The following CIMAP1D variants were observed in gnomAD, a reference collection of about 807,000 sequenced individuals.
The protein encoded by CIMAP1D is CIMAP1 family member D, also known as protein CIMAP1D.
At chr19:464,013 A>AGGGGTCGCGGGGCCC in the CIMAP1D span, 4 of 1,607,568 alleles carry the variant, frequency 2.5e-6, no homozygotes, top group Non-Finnish European at 3.4e-6. Flanking sequence ...GGTCTCCTCC[A>AGGGGTCGCGGGGCCC]GGGGTCGCGG....
the CIMAP1D span, among the ~76,000 whole-genome samples, chr19:490,688 G>T: frequency 6.6e-6 from 1 of 152,266 alleles, no homozygotes; most frequent in Non-Finnish European, 1.5e-5. Context: ...TTCAGGGCCA[G>T]GCGCGGTGGC....
chr19:478,047 C>T, the CIMAP1D span, among the ~76,000 whole-genome samples: 2 of 152,248 alleles, frequency 1.3e-5, no homozygotes, highest in Non-Finnish European at 2.9e-5. Context: ...CCCCAGCCCA[C>T]AGGCCCTGTC....
chr19:478,565 ACT>A, the CIMAP1D span, among the ~76,000 whole-genome samples: 1 of 152,230 alleles, frequency 6.6e-6, no homozygotes, highest in Non-Finnish European at 1.5e-5. Flanking sequence ...GATTCTATCA[ACT>A]CTGTCTTCAG....
the CIMAP1D span, among the ~76,000 whole-genome samples, chr19:486,556 T>C: frequency 6.6e-6 from 1 of 151,868 alleles, no homozygotes; most frequent in Non-Finnish European, 1.5e-5. Flanking sequence ...TTCTCCTGCC[T>C]CAGCCTCCCA....
At chr19:487,634 C>A in the CIMAP1D span, among the ~76,000 whole-genome samples, 2 of 152,098 alleles carry the variant, frequency 1.3e-5, no homozygotes, top group African/African-American at 4.8e-5. Context: ...CGCACCACTG[C>A]GCTCCAGCCT....
chr19:482,596 A>T, the CIMAP1D span, among the ~76,000 whole-genome samples: 1 of 140,862 alleles, frequency 7.1e-6, no homozygotes. Context: ...ACAGGGTGAG[A>T]TCGGCAGGGC....
chr19:488,732 G>A, the CIMAP1D span, among the ~76,000 whole-genome samples: 1 of 152,000 alleles, frequency 6.6e-6, no homozygotes, highest in Non-Finnish European at 1.5e-5. Context: ...CCCCCGCAGC[G>A]AGCCCAGCGC....
chr19:487,162 C>T, the CIMAP1D span, among the ~76,000 whole-genome samples: 1 of 152,144 alleles, frequency 6.6e-6, no homozygotes, highest in South Asian at 2.1e-4. Flanking sequence ...CCTATTGCAG[C>T]GGCGGCTGGA....
chr19:476,288 T>G, the CIMAP1D span, among the ~76,000 whole-genome samples: 1 of 151,908 alleles, frequency 6.6e-6, no homozygotes, highest in Non-Finnish European at 1.5e-5. Flanking sequence ...CTCTTGACCT[T>G]GTGATCCAAC....
chr19:472,483 T>C, the CIMAP1D span: 1 of 1,544,582 alleles, frequency 6.5e-7, no homozygotes, highest in Non-Finnish European at 8.7e-7. Context: ...CGGCAGGACA[T>C]ACAAGCCTGG....
At chr19:476,300 G>A in the CIMAP1D span, among the ~76,000 whole-genome samples, 2 of 151,836 alleles carry the variant, frequency 1.3e-5, no homozygotes, top group Non-Finnish European at 2.9e-5. Flanking sequence ...TGATCCAACC[G>A]CCTCAGCCTC....
the CIMAP1D span, among the ~76,000 whole-genome samples, chr19:469,319 G>A: frequency 9.0e-4 from 136 of 151,240 alleles, no homozygotes; most frequent in Non-Finnish European, 1.4e-3. Context: ...CTGGGCTCAA[G>A]CAATCCTCCC....
At chr19:465,068 TGGGTGGGTGGAA>T in the CIMAP1D span, among the ~76,000 whole-genome samples, 1 of 139,332 alleles carries the variant, frequency 7.2e-6, no homozygotes, top group African/African-American at 2.7e-5. Context: ...GATGGATGGA[TGGGTGGGTGGAA>T]GGATGGATAG....
At chr19:468,092 G>T in the CIMAP1D span, among the ~76,000 whole-genome samples, 1 of 152,194 alleles carries the variant, frequency 6.6e-6, no homozygotes, top group Non-Finnish European at 1.5e-5. Context: ...TAGGCTGGGT[G>T]TGGTGGTGCA....
the CIMAP1D span, chr19:467,698 G>T: frequency 1.9e-6 from 3 of 1,612,252 alleles, no homozygotes; most frequent in Non-Finnish European, 2.5e-6. Flanking sequence ...TGCAGCTGCG[G>T]CCAAAGCGTG....
chr19:467,689 G>A, the CIMAP1D span: 3 of 1,612,380 alleles, frequency 1.9e-6, no homozygotes, highest in Non-Finnish European at 2.5e-6. Context: ...AGGCAGGGGT[G>A]CAGCTGCGGC....
At chr19:490,662 G>A in the CIMAP1D span, among the ~76,000 whole-genome samples, 85 of 152,178 alleles carry the variant, frequency 5.6e-4, 1 homozygote, top group Non-Finnish European at 7.9e-4. Context: ...GTTGATATTC[G>A]TGTTAGAAAG....
At chr19:483,717 G>A in the CIMAP1D span, among the ~76,000 whole-genome samples, 39,438 of 152,102 alleles carry the variant, frequency 0.26, 5,101 homozygotes, top group East Asian at 0.28. Flanking sequence ...CTGCAGCAGA[G>A]AGCCATCAGC....
the CIMAP1D span, among the ~76,000 whole-genome samples, chr19:488,921 G>C: frequency 6.6e-6 from 1 of 151,846 alleles, no homozygotes; most frequent in Non-Finnish European, 1.5e-5. Flanking sequence ...AACGCGAGGA[G>C]ACCGACCACG....
Sources: allele counts gnomAD v4.1 joint callset (sites outside exome capture counted in the v4.1 genomes callset), GRCh38; gene constraint gnomAD v4.1.1; transcripts MANE v1.5; gene names NCBI Gene and HGNC (gene_info 2026-07-23, HGNC 2026-07-21).